GRID2: variants seen among roughly 807,000 people sequenced by gnomAD.
GRID2 encodes glutamate receptor ionotropic, delta-2.
A neutral mutation model predicts 114.8 loss-of-function variants in GRID2; 33 were observed. The observed-to-expected ratio is 0.29, with a 90% CI of 0.22 to 0.38. The LOEUF is 0.38. GRID2 is among the 10% of genes least tolerant of loss of function. The pLI, the probability that GRID2 is intolerant of heterozygous loss-of-function variation, is 1.00. For synonymous variants in GRID2, 505 were observed against 449.9 expected (o/e 1.12, Z -1.55); for missense variants, 1,184 against 1,257.7 (o/e 0.94, Z 0.89).
chr4:92,824,945 G>A (rs1741579218), intron 2 of GRID2, among the ~76,000 whole-genome samples: 1 of 151,232 alleles, frequency 6.6e-6, no homozygotes, highest in Non-Finnish European at 1.5e-5. Context: ...ATATATGAAA[G>A]TTTATAATCC....
At chr4:92,654,424 C>G (rs1658032701) in intron 2 of GRID2, among the ~76,000 whole-genome samples, 1 of 152,058 alleles carries the variant, frequency 6.6e-6, no homozygotes, top group East Asian at 1.9e-4. Flanking sequence ...AGATTCAATC[C>G]ATAACACTGC....
At chr4:93,360,480 A>G (rs1021897685) in intron 8 of GRID2, among the ~76,000 whole-genome samples, 1 of 151,960 alleles carries the variant, frequency 6.6e-6, no homozygotes, top group Non-Finnish European at 1.5e-5. Context: ...TCTATTTTCT[A>G]AATATGTGAG....
intron 11 of GRID2, among the ~76,000 whole-genome samples, chr4:93,488,414 G>T (rs1051945738): frequency 2.6e-5 from 4 of 151,792 alleles, no homozygotes; most frequent in African/African-American, 9.7e-5. Flanking sequence ...TATAACCAAA[G>T]GGTGTACTTA....
At chr4:93,143,995 A>AAACGTTAT (rs1735980116) in intron 4 of GRID2, among the ~76,000 whole-genome samples, 1 of 152,196 alleles carries the variant, frequency 6.6e-6, no homozygotes. Context: ...AACTAAAGAC[A>AAACGTTAT]AACGTTATAA....
intron 8 of GRID2, among the ~76,000 whole-genome samples, chr4:93,253,868 C>T (rs1000230638): frequency 6.6e-6 from 1 of 152,032 alleles, no homozygotes; most frequent in Non-Finnish European, 1.5e-5. Context: ...TTAAGGTTGT[C>T]GATATAGGTT....
chr4:92,458,310 T>C (rs1721317628), intron 1 of GRID2, among the ~76,000 whole-genome samples: 1 of 152,210 alleles, frequency 6.6e-6, no homozygotes. Context: ...GCCACTTAAT[T>C]AAGTCTGTGA....
intron 4 of GRID2, among the ~76,000 whole-genome samples, chr4:93,127,817 G>A (rs980360699): frequency 1.6e-4 from 25 of 151,714 alleles, no homozygotes; most frequent in African/African-American, 5.8e-4. Flanking sequence ...GGCAATTGAA[G>A]CCAGCCTGGG....
At chr4:92,814,623 C>T (rs751242908) in intron 2 of GRID2, among the ~76,000 whole-genome samples, 1 of 152,122 alleles carries the variant, frequency 6.6e-6, no homozygotes, top group Admixed American at 6.6e-5. Flanking sequence ...GTGCCATCTT[C>T]GTAGAGGTGC....
chr4:93,584,119 A>G (rs1175257179), intron 13 of GRID2, among the ~76,000 whole-genome samples: 2 of 152,154 alleles, frequency 1.3e-5, no homozygotes, highest in Non-Finnish European at 1.5e-5. Flanking sequence ...TCTGAGTAAA[A>G]TATATCTAGA....
Position 93,455,715 on chromosome 4 carries a change from G to A in GRID2, c.1599G>A (p.Val533=). The A allele has an allele frequency of 6.2e-7, 1 of 1,612,864 alleles. No homozygotes were observed. Among genetic ancestry groups the A allele is most frequent in the African/African-American group, 1.3e-5 (1 of 74,984 alleles). ...CCATCACTCCAGATCGTGAAAATGT[G>A]GTGGACTTTACGACACGTTACATGG... ...ALTITPDREN[V]VDFTTRYMDY... is the part of the protein sequence containing the mutation. Residue 533 remains valine, a synonymous_variant, in exon 11 of 16, where the codon GTG becomes GTA. Coordinates refer to ENST00000282020, the MANE Select transcript of GRID2 (RefSeq NM_001510.4).
intron 1 of GRID2, among the ~76,000 whole-genome samples, chr4:92,307,117 G>A (rs767768359): frequency 1.1e-4 from 16 of 152,056 alleles, no homozygotes; most frequent in African/African-American, 2.9e-4. Context: ...ATTCAAAACC[G>A]AATGTCCATA....
intron 1 of GRID2, among the ~76,000 whole-genome samples, chr4:92,580,765 T>C (rs1331915683): frequency 6.6e-6 from 1 of 151,970 alleles, no homozygotes; most frequent in Non-Finnish European, 1.5e-5. Flanking sequence ...AAGGTAATAC[T>C]AAAAAGGTAG....
At chr4:93,512,791 A>G (rs753856888) in intron 12 of GRID2, among the ~76,000 whole-genome samples, 2 of 152,178 alleles carry the variant, frequency 1.3e-5, no homozygotes, top group Non-Finnish European at 2.9e-5. Context: ...TCTCCAGCTA[A>G]ACTGTATTAA....
At chr4:93,287,398 G>A (rs1410921536) in intron 8 of GRID2, among the ~76,000 whole-genome samples, 1 of 152,170 alleles carries the variant, frequency 6.6e-6, no homozygotes. Context: ...GAAAGTTGCA[G>A]AGGAAAGAGT....
chr4:92,748,148 C>A (rs184630647), intron 2 of GRID2, among the ~76,000 whole-genome samples: 3 of 152,248 alleles, frequency 2.0e-5, no homozygotes, highest in Non-Finnish European at 4.4e-5. Context: ...CAACTACTAG[C>A]CTGCTTAGAT....
chr4:92,512,085 A>G (rs1460816760), intron 1 of GRID2, among the ~76,000 whole-genome samples: 2 of 151,230 alleles, frequency 1.3e-5, no homozygotes, highest in Admixed American at 6.6e-5. Context: ...TAGGTACTTT[A>G]CTCACTGTGG....
intron 11 of GRID2, among the ~76,000 whole-genome samples, chr4:93,467,006 AGATATAAAGAATCTT>A (rs1724345087): frequency 6.6e-6 from 1 of 152,228 alleles, no homozygotes; most frequent in African/African-American, 2.4e-5. Flanking sequence ...CATGTAAGAA[AGATATAAAGAATCTT>A]GCTAAGTATC....
intron 2 of GRID2, among the ~76,000 whole-genome samples, chr4:92,643,246 T>G (rs1731448869): frequency 6.6e-6 from 1 of 151,840 alleles, no homozygotes; most frequent in Non-Finnish European, 1.5e-5. Flanking sequence ...GGAATGTTTT[T>G]CCATGTATTT....
chr4:93,769,426 A>G lies in GRID2; in HGVS notation c.2577A>G (p.Lys859=). 3.1e-6 allele frequency: 5 copies of G among 1,613,930 alleles called. No homozygotes were observed. Among genetic ancestry groups the G allele is most frequent in the Non-Finnish European group, 4.2e-6 (5 of 1,179,874 alleles). The change falls in exon 15 of 16, where the codon AAA becomes AAG. Residue 859 remains lysine (K), a synonymous_variant. Coordinates refer to ENST00000282020, the MANE Select transcript of GRID2 (RefSeq NM_001510.4). The stretch of plus-strand genomic sequence containing the variant: ...TGGAGACGTGGTGGAACAAGAGGAA[A>G]GGCTCCCGGGTTCCATCAAAAGAGG... ...AMLETWWNKR[K]GSRVPSKEDD...
Sources: allele counts gnomAD v4.1 joint callset (sites outside exome capture counted in the v4.1 genomes callset), GRCh38; gene constraint gnomAD v4.1.1; transcripts MANE v1.5; gene names NCBI Gene and HGNC (gene_info 2026-07-23, HGNC 2026-07-21).